MCTP2: variants seen among roughly 807,000 people sequenced by gnomAD.
The protein encoded by MCTP2 is multiple C2 and transmembrane domain containing 2, also known as multiple C2 and transmembrane domain-containing protein 2.
A neutral mutation model predicts 111.6 loss-of-function variants in MCTP2; 132 were observed. The ratio of observed to expected loss-of-function variants is 1.18; its 90% CI spans 1.03 to 1.37. The LOEUF is 1.37. Among genes scored for constraint, MCTP2 ranks in the 40% most tolerant of loss-of-function variants. The pLI is 0.00. For synonymous variants in MCTP2, 395 were observed against 387.7 expected (o/e 1.02, Z -0.22); for missense variants, 1,183 against 1,067.9 (o/e 1.11, Z -1.50).
intron 17 of MCTP2, among the ~76,000 whole-genome samples, chr15:94,407,500 G>A (rs1054682358): frequency 6.6e-6 from 1 of 151,938 alleles, no homozygotes; most frequent in African/African-American, 2.4e-5. Flanking sequence ...ACTTTTTTCC[G>A]ATTTTTTGAG....
chr15:94,479,241 C>T lies in MCTP2; in HGVS notation c.*207C>T. ...TGGGTGTCCTAGTTGCGTAGAGGGT[C>T]AGCCCAGCGAAAAGCAACAACCCCA... On this transcript the variant is annotated 3_prime_UTR_variant, in exon 23 of 23. Transcript: ENST00000357742. 1 of 591,272 alleles carries T rather than the reference C, an allele frequency of 1.7e-6. No individual in the cohort carries two copies. The highest frequency in any genetic ancestry group is 3.1e-6 in the Non-Finnish European group (1 of 327,744). 36.6% of individuals were successfully genotyped at this position (591,272 alleles called of 1,614,324 possible). A position where few individuals can be genotyped will look rare whatever the true frequency, so the allele number is the denominator to read the frequency against.
At chr15:94,476,620 A>G in intron 21 of MCTP2, 76 bp from the exon 22 acceptor site, 1 of 722,240 alleles carries the variant, frequency 1.4e-6, no homozygotes, top group Non-Finnish European at 2.4e-6. Context: ...AGATAGATAG[A>G]TAGATAGATA....
intron 4 of MCTP2, among the ~76,000 whole-genome samples, chr15:94,328,332 G>C (rs767729263): frequency 4.6e-5 from 7 of 152,020 alleles, no homozygotes; most frequent in African/African-American, 1.7e-4. Context: ...GTTTCACTGT[G>C]TTAGCCAGGA....
At chr15:94,470,574 G>A in intron 21 of MCTP2, 132 bp downstream of exon 21, 1 of 739,730 alleles carries the variant, frequency 1.4e-6, no homozygotes, top group South Asian at 1.7e-5. Flanking sequence ...AAAGCATTTG[G>A]GGAACAAAAA....
intron 20 of MCTP2, among the ~76,000 whole-genome samples, chr15:94,465,524 C>T (rs932670374): frequency 6.6e-6 from 1 of 152,092 alleles, no homozygotes; most frequent in Non-Finnish European, 1.5e-5. Flanking sequence ...TTCGGAACTC[C>T]GACTAACTGA....
At chr15:94,467,979 A>AGG (rs2073540987) in intron 20 of MCTP2, among the ~76,000 whole-genome samples, 1 of 152,208 alleles carries the variant, frequency 6.6e-6, no homozygotes, top group African/African-American at 2.4e-5. Context: ...TCACTGGATG[A>AGG]GGGGAGGGCT....
chr15:94,257,566 G>GTTTTTTTTTTTT (rs1220635423), intron 1 of MCTP2, among the ~76,000 whole-genome samples: 21 of 72,998 alleles, frequency 2.9e-4, no homozygotes, highest in East Asian at 5.3e-4. Context: ...CATTTTCTTT[G>GTTTTTTTTTTTT]TTGTTTTTTT....
In MCTP2 at chr15:94,402,436, T is replaced by C. The variant is rs541883811; in HGVS notation, c.2085+417T>C. On this transcript the variant is annotated intron_variant, in intron 17 of 22. Transcript: ENST00000357742. ...TTTGATATTAAAGATGTTTATTCAT[T>C]TCAAGCCAGTTGGGACATACTGATC... is the stretch of plus-strand genomic sequence containing the variant. The C allele has an allele frequency of 3.6e-5, 55 of 1,542,226 alleles. 1 individual carries two copies. The South Asian group carries it at 6.2e-4, about 17-fold the overall frequency.
chr15:94,287,631 A>T (rs1398118214), intron 1 of MCTP2, among the ~76,000 whole-genome samples: 1 of 152,238 alleles, frequency 6.6e-6, no homozygotes, highest in Non-Finnish European at 1.5e-5. Context: ...CACTGAACAC[A>T]AATATGAAAT....
intron 2 of MCTP2, among the ~76,000 whole-genome samples, chr15:94,307,709 A>G (rs1022579432): frequency 3.9e-5 from 6 of 152,212 alleles, no homozygotes; most frequent in Non-Finnish European, 8.8e-5. Context: ...CACTGGGTAT[A>G]GCAGTAAGTC....
chr15:94,235,254 C>CAA lies in MCTP2; in HGVS notation c.-66+3604_-66+3605dup, dbSNP rs11296869. ...GGGAGACAAGAGCGAAACTCCGTCT[C>CAA]AAAAAAAAAAAAAAATCCCTGGTGG... On this transcript the variant is annotated intron_variant, in intron 1 of 22. Coordinates refer to ENST00000357742, the MANE Select transcript of MCTP2 (RefSeq NM_001385001.1). 2.1e-3 allele frequency among the ~76,000 whole-genome samples: 298 copies of CAA among 140,614 alleles called. 3 individuals are homozygous for CAA. Among genetic ancestry groups the CAA allele is most frequent in the Non-Finnish European group, 6.2e-4 (40 of 64,360 alleles). The allele number at this position is 140,614 out of a possible 152,430, so 92.2% of individuals were successfully genotyped here. A position where few individuals can be genotyped will look rare whatever the true frequency, so the allele number is the denominator to read the frequency against.
At chr15:94,422,818 C>G (rs549422375) in intron 17 of MCTP2, among the ~76,000 whole-genome samples, 1 of 152,240 alleles carries the variant, frequency 6.6e-6, no homozygotes, top group African/African-American at 2.4e-5. Context: ...ATATCTTTTG[C>G]TTTTACTTCC....
At chr15:94,422,936 T>C (rs1230528350) in intron 17 of MCTP2, among the ~76,000 whole-genome samples, 1 of 152,186 alleles carries the variant, frequency 6.6e-6, no homozygotes, top group Non-Finnish European at 1.5e-5. Context: ...GCTCAAGGGA[T>C]CCTCCTGCTT....
chr15:94,299,324 GTA>G (rs2075483313), intron 2 of MCTP2, among the ~76,000 whole-genome samples: 1 of 151,656 alleles, frequency 6.6e-6, no homozygotes, highest in African/African-American at 2.4e-5. Context: ...TTTTTTAAGT[GTA>G]TGTTTGTGTC....
At chr15:94,377,779 A>T (rs546170740) in intron 12 of MCTP2, among the ~76,000 whole-genome samples, 3 of 152,252 alleles carry the variant, frequency 2.0e-5, no homozygotes, top group Non-Finnish European at 4.4e-5. Flanking sequence ...TATGGAAGGG[A>T]TGCCTGACTG....
intron 1 of MCTP2, among the ~76,000 whole-genome samples, chr15:94,234,887 C>T (rs2070436089): frequency 6.6e-6 from 1 of 152,094 alleles, no homozygotes; most frequent in Admixed American, 6.6e-5. Context: ...TTCCTGATGG[C>T]TTGAGCTGAG....
At chr15:94,414,958 A>T (rs1252321501) in intron 17 of MCTP2, among the ~76,000 whole-genome samples, 1 of 152,132 alleles carries the variant, frequency 6.6e-6, no homozygotes, top group Non-Finnish European at 1.5e-5. Context: ...GCAGAGAATT[A>T]TGGTGTCTTT....
chr15:94,330,254 C>G (rs992898192), intron 4 of MCTP2, among the ~76,000 whole-genome samples: 1 of 152,024 alleles, frequency 6.6e-6, no homozygotes, highest in Non-Finnish European at 1.5e-5. Context: ...AATTTTGGTC[C>G]TGTTCTATTT....
intron 7 of MCTP2, chr15:94,343,472 T>G (rs1245006091): frequency 2.0e-5 from 3 of 152,192 alleles, no homozygotes; most frequent in Non-Finnish European, 4.4e-5. Flanking sequence ...CTTTGTTGCT[T>G]TAGAACCAAG....
Sources: gnomAD v4.1 joint callset for allele counts (sites outside exome capture counted in the v4.1 genomes callset) on GRCh38, gnomAD v4.1.1 for gene constraint, MANE v1.5 for transcripts, NCBI Gene and HGNC (gene_info 2026-07-23, HGNC 2026-07-21) for gene names.